Variants in PRKAR1A observed in about 807,000 individuals in gnomAD.
PRKAR1A encodes protein kinase cAMP-dependent type I regulatory subunit alpha.
PRKAR1A carries 3 observed loss-of-function variants against 52.0 expected under a neutral mutation model. The observed-to-expected ratio is 0.06, with a 90% CI of 0.03 to 0.15. PRKAR1A has a LOEUF of 0.15. Ranked by LOEUF, PRKAR1A falls within the 10% of genes least tolerant of loss-of-function variation. PRKAR1A has a pLI of 1.00. For synonymous variants in PRKAR1A, 188 were observed against 168.4 expected (o/e 1.12, Z -0.90); for missense variants, 240 against 477.4 (o/e 0.50, Z 4.63).
chr17:68,432,625 G>A, the PRKAR1A span, among the ~76,000 whole-genome samples: 3 of 151,940 alleles, frequency 2.0e-5, no homozygotes, highest in African/African-American at 4.8e-5. Context: ...CCTCTGTTAC[G>A]TATGTGTTAG....
intron 3 of PRKAR1A, 118 bp from the exon 4 acceptor site, chr17:68,523,607 A>G (rs1462260355): frequency 1.3e-6 from 1 of 779,724 alleles, no homozygotes; most frequent in Non-Finnish European, 2.2e-6. Flanking sequence ...GTGAAACACT[A>G]CAAAGCAGTC....
At chr17:68,470,643 A>C in the PRKAR1A span, among the ~76,000 whole-genome samples, 1 of 152,250 alleles carries the variant, frequency 6.6e-6, no homozygotes, top group Non-Finnish European at 1.5e-5. Context: ...GGGTGATGGA[A>C]AAACAAACCA....
chr17:68,530,757 C>T lies in PRKAR1A; in HGVS notation c.*308C>T. On this transcript the variant is annotated 3_prime_UTR_variant, in exon 11 of 11. Transcript: ENST00000589228. ...TTTTGGTGAGGGCAGATCCCAGCACCTATTGAATTACCATAGAGTAATGAT... is the reference window on the plus strand; with the variant it reads ...TTTTGGTGAGGGCAGATCCCAGCACTTATTGAATTACCATAGAGTAATGAT... The T allele has an allele frequency of 7.6e-7, 1 of 1,318,466 alleles. No homozygotes were observed. The allele number at this position is 1,318,466 out of a possible 1,614,324, so 81.7% of individuals were successfully genotyped here.
chr17:68,440,349 T>C, the PRKAR1A span, among the ~76,000 whole-genome samples: 1 of 152,252 alleles, frequency 6.6e-6, no homozygotes, highest in African/African-American at 2.4e-5. Context: ...GAGTTTTCCT[T>C]AGCTTGGCTA....
At position 68,521,483 on chromosome 17, in the gene PRKAR1A, G is replaced by A. The variant is rs140377128; in HGVS notation, c.178-1273G>A. ...TGGACTCAAGTGATCTGCCACCTTC[G>A]GCCTCCCAAAGGGTTGTGATTATAG... is the stretch of plus-strand genomic sequence containing the variant. On this transcript the variant is annotated intron_variant, in intron 2 of 10. Coordinates refer to ENST00000589228, the MANE Select transcript of PRKAR1A (RefSeq NM_002734.5). 6.5e-4 allele frequency among the ~76,000 whole-genome samples: 99 copies of A among 152,270 alleles called. 1 individual carries two copies. Among genetic ancestry groups the A allele is most frequent in the South Asian group, 3.7e-3 (18 of 4,822 alleles).
chr17:68,539,432 A>G (rs759494182), intron 11 of PRKAR1A: 2 of 1,597,162 alleles, frequency 1.3e-6, no homozygotes, highest in Non-Finnish European at 1.7e-6. Context: ...GGTGGCCGGC[A>G]GCATCCTTTG....
the PRKAR1A span, among the ~76,000 whole-genome samples, chr17:68,443,161 A>G: frequency 1.3e-5 from 2 of 152,048 alleles, no homozygotes; most frequent in Non-Finnish European, 2.9e-5. Context: ...CCCAGGCTGG[A>G]GTGCAGTGGT....
chr17:68,511,800 C>T (rs529603103), upstream of PRKAR1A: 1 of 152,162 alleles, frequency 6.6e-6, no homozygotes, highest in Non-Finnish European at 1.5e-5. Context: ...CGGCCATCCG[C>T]CCGCGCTCGG....
the PRKAR1A span, chr17:68,421,961 T>C: frequency 1.0e-6 from 1 of 980,234 alleles, no homozygotes; most frequent in Non-Finnish European, 1.6e-6. Flanking sequence ...AACTCGCTCA[T>C]GGCCACAGAA....
the PRKAR1A span, among the ~76,000 whole-genome samples, chr17:68,489,944 T>C: frequency 1.8e-4 from 27 of 152,212 alleles, 1 homozygote; most frequent in Middle Eastern, 6.8e-3. Flanking sequence ...CCTTAAGTAA[T>C]ATAAAGGGGT....
At chr17:68,429,748 C>T in the PRKAR1A span, among the ~76,000 whole-genome samples, 1 of 152,062 alleles carries the variant, frequency 6.6e-6, no homozygotes, top group Non-Finnish European at 1.5e-5. Context: ...ACCACCATAC[C>T]CGGCTAATTT....
the PRKAR1A span, among the ~76,000 whole-genome samples, chr17:68,489,372 ATATATGGAAAG>A: frequency 3.8e-5 from 4 of 104,076 alleles, no homozygotes; most frequent in African/African-American, 1.5e-4. Context: ...AAGTATATAT[ATATATGGAAAG>A]TATATATATA....
At chr17:68,428,442 AGGCT>A in the PRKAR1A span, 2 of 185,354 alleles carry the variant, frequency 1.1e-5, no homozygotes, top group African/African-American at 4.7e-5. Context: ...CATGTTGCCC[AGGCT>A]GGTCTTGAAC....
intron 11 of PRKAR1A, among the ~76,000 whole-genome samples, chr17:68,544,193 A>G (rs998274186): frequency 2.6e-5 from 4 of 152,082 alleles, no homozygotes; most frequent in African/African-American, 9.7e-5. Flanking sequence ...CTGGGGTTGA[A>G]GAACAGAAAA....
the PRKAR1A span, chr17:68,436,466 G>A: frequency 6.2e-7 from 1 of 1,613,928 alleles, no homozygotes. Context: ...GGTTGATAGA[G>A]AGAGCACATA....
intron 11 of PRKAR1A, chr17:68,539,348 GGA>G: frequency 1.9e-6 from 3 of 1,614,170 alleles, no homozygotes; most frequent in Non-Finnish European, 2.5e-6. Flanking sequence ...TGCAGCACTG[GGA>G]GAGAGGCGAG....
chr17:68,497,219 C>T, the PRKAR1A span, among the ~76,000 whole-genome samples: 1 of 152,158 alleles, frequency 6.6e-6, no homozygotes, highest in Non-Finnish European at 1.5e-5. Flanking sequence ...CATAAGTCAA[C>T]TTTTATTGGA....
the PRKAR1A span, among the ~76,000 whole-genome samples, chr17:68,487,468 T>C: frequency 2.0e-5 from 3 of 152,222 alleles, no homozygotes; most frequent in Non-Finnish European, 4.4e-5. Context: ...CCTGTGCTAA[T>C]AATTTTTCTG....
At chr17:68,513,477 AATGTAATCCT>A (rs1469265233) in intron 1 of PRKAR1A, among the ~76,000 whole-genome samples, 1 of 152,224 alleles carries the variant, frequency 6.6e-6, no homozygotes, top group Non-Finnish European at 1.5e-5. Context: ...TATTTCCCAG[AATGTAATCCT>A]TTCGAAACAA....
Sources: allele counts gnomAD v4.1 joint callset (sites outside exome capture counted in the v4.1 genomes callset), GRCh38; gene constraint gnomAD v4.1.1; transcripts MANE v1.5; gene names NCBI Gene and HGNC (gene_info 2026-07-23, HGNC 2026-07-21).